Variants in PTPRN2 observed in about 807,000 individuals in gnomAD.
The protein encoded by PTPRN2 is protein tyrosine phosphatase receptor type N2.
Under a neutral mutation model 118.8 loss-of-function variants are expected in PTPRN2, and 74 were observed. The observed-to-expected ratio is 0.62, with a 90% CI of 0.52 to 0.76. The LOEUF is 0.76. Among genes scored for constraint, PTPRN2 ranks in the 30% least tolerant of loss-of-function variants. The pLI, the probability that PTPRN2 is intolerant of heterozygous loss-of-function variation, is 0.00. For missense variants in PTPRN2, 1,481 were observed against 1,394.4 expected (o/e 1.06, Z -0.99); for synonymous variants, 641 against 608.0 (o/e 1.05, Z -0.80).
chr7:157,762,363 G>T (rs2151008782), intron 12 of PTPRN2, among the ~76,000 whole-genome samples: 1 of 152,212 alleles, frequency 6.6e-6, no homozygotes, highest in African/African-American at 2.4e-5. Flanking sequence ...AACAATAATA[G>T]ACTGGATTAA....
At chr7:158,336,647 A>AAACATGT (rs1805602495) in intron 2 of PTPRN2, among the ~76,000 whole-genome samples, 1 of 120,912 alleles carries the variant, frequency 8.3e-6, no homozygotes. Context: ...ACTCACACCC[A>AAACATGT]CACGTCACTC....
At chr7:157,956,389 A>G (rs117773911) in intron 11 of PTPRN2, among the ~76,000 whole-genome samples, 3,468 of 152,266 alleles carry the variant, frequency 0.023, 65 homozygotes, top group Middle Eastern at 0.061. Context: ...CCTAAGTTAG[A>G]CTAAACAAGG....
Position 157,676,859 on chromosome 7 carries a change from G to A in PTPRN2, c.2001+5866C>T, listed in dbSNP as rs1796692687. On this transcript the variant is annotated intron_variant, in intron 13 of 22. Transcript: ENST00000389418. The surrounding 1 kb of genome is among the most constrained non-coding windows in gnomAD (Gnocchi z 5.6). ...TGCTGTGCATGCAGGGGTCACCCCA[G>A]GAGCGACCCTGGCTTTGACGAGAAG... Among the ~76,000 whole-genome samples, 1 of 152,184 alleles carries A rather than the reference G, an allele frequency of 6.6e-6. No homozygotes were observed. The highest frequency in any genetic ancestry group is 2.1e-4 in the South Asian group (1 of 4,832).
At chr7:158,331,718 C>G (rs1449158601) in intron 2 of PTPRN2, among the ~76,000 whole-genome samples, 18 of 150,870 alleles carry the variant, frequency 1.2e-4, no homozygotes, top group African/African-American at 4.2e-4. Context: ...CACCCACATT[C>G]TCACCATAAG....
rs1803198331 is a variant in PTPRN2 at position 158,323,386 on chromosome 7, A to G, written c.164-6454T>C. On this transcript the variant is annotated intron_variant, in intron 2 of 22. Coordinates refer to ENST00000389418, the MANE Select transcript of PTPRN2 (RefSeq NM_002847.5). ...GACGCAACCCCTTCACTGTGCAGAC[A>G]GAAGGCTGGACCCCACTGCCTCTGG... Among the ~76,000 whole-genome samples the G allele has an allele frequency of 2.0e-5, 3 of 152,340 alleles. No homozygotes were observed. In the South Asian group the frequency reaches 6.2e-4, roughly 32 times the overall value.
chr7:158,378,626 C>T (rs1034608811), intron 2 of PTPRN2, among the ~76,000 whole-genome samples: 4 of 152,146 alleles, frequency 2.6e-5, no homozygotes, highest in Non-Finnish European at 4.4e-5. Flanking sequence ...GATATCACCA[C>T]GTTTCCAAAG....
chr7:158,340,597 T>G (rs1415284096), intron 2 of PTPRN2, among the ~76,000 whole-genome samples: 1 of 110,260 alleles, frequency 9.1e-6, no homozygotes, highest in African/African-American at 3.4e-5. Context: ...CCCGCAGACA[T>G]CACTCACACC....
intron 11 of PTPRN2, among the ~76,000 whole-genome samples, chr7:157,996,873 C>A (rs1267678725): frequency 6.6e-6 from 1 of 152,324 alleles, no homozygotes; most frequent in South Asian, 2.1e-4. Flanking sequence ...TTCCCCCACG[C>A]CAGGCCCTCA....
chr7:158,332,134 C>A (rs1164374893), intron 2 of PTPRN2, among the ~76,000 whole-genome samples: 8 of 150,020 alleles, frequency 5.3e-5, no homozygotes, highest in Non-Finnish European at 2.9e-5. Flanking sequence ...CCCATACTCC[C>A]ACCATAAGAG....
At chr7:158,067,496 G>C (rs1008914859) in intron 11 of PTPRN2, among the ~76,000 whole-genome samples, 4 of 152,162 alleles carry the variant, frequency 2.6e-5, no homozygotes, top group African/African-American at 9.7e-5. Flanking sequence ...TGAACCTCTG[G>C]GGTGGGGCCC....
At chr7:157,969,798 G>A (rs1225249318) in intron 11 of PTPRN2, among the ~76,000 whole-genome samples, 1 of 152,108 alleles carries the variant, frequency 6.6e-6, no homozygotes, top group African/African-American at 2.4e-5. Context: ...TTGCACAGGA[G>A]AAAGGCTGGA....
intron 12 of PTPRN2, among the ~76,000 whole-genome samples, chr7:157,710,779 G>A (rs1157786670): frequency 1.2e-4 from 3 of 25,088 alleles, no homozygotes; most frequent in East Asian, 5.4e-4. Flanking sequence ...GAGGGGTTCC[G>A]GGGCAGCCGG....
intron 2 of PTPRN2, among the ~76,000 whole-genome samples, chr7:158,325,381 TTTC>T (rs1359580860): frequency 5.9e-5 from 9 of 152,196 alleles, no homozygotes; most frequent in Non-Finnish European, 1.2e-4. Context: ...TTTTTTAACA[TTTC>T]TTATTTATTT....
At chr7:158,532,025 C>T (rs189059732) in intron 1 of PTPRN2, among the ~76,000 whole-genome samples, 5 of 152,294 alleles carry the variant, frequency 3.3e-5, no homozygotes, top group African/African-American at 9.6e-5. Flanking sequence ...TCAGATAAAC[C>T]GGCTTATTTT....
In PTPRN2 at chr7:157,801,768, C is replaced by T. The variant is rs543972242; in HGVS notation, c.1788+96905G>A. Among the ~76,000 whole-genome samples the T allele has an allele frequency of 6.6e-6, 1 of 152,292 alleles. No homozygotes were observed. Among genetic ancestry groups the T allele is most frequent in the Non-Finnish European group, 1.5e-5 (1 of 68,028 alleles). ...CGAGGGTTCTGGGAAGGAAAACGCC[C>T]GCTTAGTGGAAGAACAGAACGGCCG... On this transcript the variant is annotated intron_variant, in intron 12 of 22. Transcript: ENST00000389418. The surrounding 1 kb of genome is among the most constrained non-coding windows in gnomAD (Gnocchi z 4.2).
At chr7:157,689,921 C>G (rs1007493326) in intron 12 of PTPRN2, among the ~76,000 whole-genome samples, 6 of 152,186 alleles carry the variant, frequency 3.9e-5, no homozygotes, top group African/African-American at 1.4e-4. Flanking sequence ...GGGTGAAGAG[C>G]GCCCCAAAAT....
In PTPRN2 at chr7:157,619,198, G is replaced by C. The variant is rs919881169; in HGVS notation, c.2344+2164C>G. On this transcript the variant is annotated intron_variant, in intron 15 of 22. Coordinates refer to ENST00000389418, the MANE Select transcript of PTPRN2 (RefSeq NM_002847.5). The surrounding 1 kb of genome is among the most constrained non-coding windows in gnomAD (Gnocchi z 5.3). Reference sequence around the variant, plus strand: ...ACACGGGAGGAAAACCCCATCGGCAGGTCGTTTCTGCCACGCTCCGGGCTG... The same window carrying C: ...ACACGGGAGGAAAACCCCATCGGCACGTCGTTTCTGCCACGCTCCGGGCTG... Among the ~76,000 whole-genome samples the C allele has an allele frequency of 1.3e-5, 2 of 152,262 alleles. No homozygotes were observed. The highest frequency in any genetic ancestry group is 1.5e-5 in the Non-Finnish European group (1 of 68,016).
At chr7:158,528,656 T>C (rs1469373959) in intron 1 of PTPRN2, among the ~76,000 whole-genome samples, 2 of 148,970 alleles carry the variant, frequency 1.3e-5, no homozygotes, top group Non-Finnish European at 3.0e-5. Context: ...TAGCCAGGTG[T>C]GGTGGCGGGT....
chr7:158,146,032 G>T (rs574708468), intron 6 of PTPRN2, among the ~76,000 whole-genome samples: 1 of 151,044 alleles, frequency 6.6e-6, no homozygotes, highest in Non-Finnish European at 1.5e-5. Flanking sequence ...ACAAGGAGAG[G>T]ATGAGAAATC....
Sources: allele counts gnomAD v4.1 joint callset (sites outside exome capture counted in the v4.1 genomes callset), GRCh38; gene constraint gnomAD v4.1.1; non-coding constraint Gnocchi (gnomAD v3.1); transcripts MANE v1.5; gene names NCBI Gene and HGNC (gene_info 2026-07-23, HGNC 2026-07-21).